NEK11: variants seen among roughly 807,000 people sequenced by gnomAD.
The protein encoded by NEK11 is NIMA related kinase 11.
Under a neutral mutation model 80.7 loss-of-function variants are expected in NEK11, and 72 were observed. The ratio of observed to expected loss-of-function variants is 0.89; its 90% CI spans 0.74 to 1.08. The LOEUF (loss-of-function observed/expected upper bound fraction) is 1.08. NEK11 is among the 50% of genes least tolerant of loss of function. The probability of loss-of-function intolerance (pLI) is 0.00; values close to 1 mark genes in which losing one functional copy is unlikely to be tolerated. For synonymous variants in NEK11, 251 were observed against 260.7 expected (o/e 0.96, Z 0.36); for missense variants, 764 against 763.6 (o/e 1.00, Z -0.01).
intron 15 of NEK11, among the ~76,000 whole-genome samples, chr3:131,235,757 A>G (rs1316858427): frequency 6.6e-6 from 1 of 152,242 alleles, no homozygotes; most frequent in Non-Finnish European, 1.5e-5. Flanking sequence ...AAATGAGAAG[A>G]CTATGAAACA....
chr3:131,165,371 A>G (rs1372484848), intron 11 of NEK11, 55 bp from the exon 12 acceptor site: 20 of 1,089,800 alleles, frequency 1.8e-5, no homozygotes, highest in Non-Finnish European at 2.4e-5. Context: ...TGTATAATAT[A>G]GACATGGTTT....
chr3:131,169,253 GC>G (rs1216020803), intron 13 of NEK11, among the ~76,000 whole-genome samples: 4 of 152,132 alleles, frequency 2.6e-5, no homozygotes, highest in Non-Finnish European at 5.9e-5. Flanking sequence ...TCTCATTGGG[GC>G]TCTGTTCTCT....
chr3:131,106,624 G>A (rs76607513), intron 4 of NEK11, among the ~76,000 whole-genome samples: 7,920 of 152,100 alleles, frequency 0.052, 273 homozygotes, highest in Middle Eastern at 0.11. Flanking sequence ...ACTATTTACC[G>A]AAGATTATCC....
intron 14 of NEK11, among the ~76,000 whole-genome samples, chr3:131,175,308 A>T (rs2092941633): frequency 6.6e-6 from 1 of 152,194 alleles, no homozygotes; most frequent in Non-Finnish European, 1.5e-5. Flanking sequence ...ATGTTTCTAG[A>T]AGTTTTATTC....
intron 16 of NEK11, among the ~76,000 whole-genome samples, chr3:131,268,299 A>G (rs887650756): frequency 7.2e-5 from 11 of 151,942 alleles, no homozygotes; most frequent in African/African-American, 2.4e-4. Flanking sequence ...TCTCCCTCCA[A>G]TTTTGTTCCC....
intron 16 of NEK11, among the ~76,000 whole-genome samples, chr3:131,245,746 G>GA (rs1354721548): frequency 1.3e-5 from 2 of 151,682 alleles, no homozygotes; most frequent in African/African-American, 4.8e-5. Flanking sequence ...TTCTTCTTTT[G>GA]AAAAATGTCT....
intron 3 of NEK11, among the ~76,000 whole-genome samples, chr3:131,043,878 C>T (rs143256373): frequency 6.6e-6 from 1 of 152,284 alleles, no homozygotes; most frequent in African/African-American, 2.4e-5. Flanking sequence ...GGTTGGTTTA[C>T]CCACAAAGGG....
At chr3:131,132,683 A>G (rs1465071897) in intron 5 of NEK11, 62 bp from the exon 6 acceptor site, 1 of 823,960 alleles carries the variant, frequency 1.2e-6, no homozygotes, top group Non-Finnish European at 2.0e-6. Context: ...TATATTATTT[A>G]CATGGGGATT....
chr3:131,228,719 A>T lies in NEK11; in HGVS notation c.1560+31A>T. 5 of 1,601,510 alleles carry T rather than the reference A, an allele frequency of 3.1e-6. No individual in the cohort carries two copies. In the South Asian group the frequency reaches 3.4e-5, roughly 11 times the overall value. Reference sequence around the variant, plus strand: ...TAATGCTCCCTGTCGGAAGCCATGGAACTGTTCAAGGTACTGATTGGACTC... The same window carrying T: ...TAATGCTCCCTGTCGGAAGCCATGGTACTGTTCAAGGTACTGATTGGACTC... On this transcript the variant is annotated intron_variant, in intron 15 of 17. Transcript: ENST00000383366.
At chr3:131,117,881 G>A (rs1209363141) in intron 5 of NEK11, among the ~76,000 whole-genome samples, 2 of 152,154 alleles carry the variant, frequency 1.3e-5, no homozygotes, top group Admixed American at 6.5e-5. Context: ...GGGCTGAGAC[G>A]ATGGGGTTTT....
At chr3:131,113,511 G>T (rs2149376890) in intron 5 of NEK11, among the ~76,000 whole-genome samples, 2 of 152,304 alleles carry the variant, frequency 1.3e-5, no homozygotes, top group Admixed American at 1.3e-4. Flanking sequence ...ATGCATGGTT[G>T]AACTAGTGGC....
At chr3:131,304,670 C>G (rs945212806) in intron 17 of NEK11, among the ~76,000 whole-genome samples, 1 of 152,102 alleles carries the variant, frequency 6.6e-6, no homozygotes, top group Non-Finnish European at 1.5e-5. Context: ...GCTGTGTGCT[C>G]TAACTCTAGA....
intron 14 of NEK11, among the ~76,000 whole-genome samples, chr3:131,226,348 G>A (rs1278099221): frequency 6.6e-6 from 1 of 152,092 alleles, no homozygotes; most frequent in Admixed American, 6.6e-5. Flanking sequence ...ATGGCTTCTA[G>A]TCATTACAGC....
chr3:131,295,921 C>T lies in NEK11; in HGVS notation c.1718+22347C>T, dbSNP rs558677393. Among the ~76,000 whole-genome samples the T allele has an allele frequency of 1.5e-3, 232 of 152,204 alleles. 1 individual carries two copies. Among genetic ancestry groups the T allele is most frequent in the South Asian group, 1.0e-2 (48 of 4,816 alleles). On this transcript the variant is annotated intron_variant, in intron 17 of 17. Transcript: ENST00000383366. ...GTGGTACAATTTCATTTCACTGCAG[C>T]CCTGACCTCCTGGGCTCAAGTGAGC...
chr3:131,139,353 GA>G (rs71622003), intron 7 of NEK11, among the ~76,000 whole-genome samples: 2,609 of 107,526 alleles, frequency 0.024, 52 homozygotes, highest in African/African-American at 0.086. Context: ...AGAGAAAAAA[GA>G]AAAAAAAAAA....
intron 17 of NEK11, among the ~76,000 whole-genome samples, chr3:131,302,752 A>G (rs962179034): frequency 3.3e-5 from 5 of 152,050 alleles, no homozygotes; most frequent in African/African-American, 1.2e-4. Context: ...TTTGCTGAGA[A>G]TTTGTGTTGT....
At chr3:131,265,644 G>A (rs988281755) in intron 16 of NEK11, among the ~76,000 whole-genome samples, 6 of 152,086 alleles carry the variant, frequency 3.9e-5, no homozygotes, top group African/African-American at 9.7e-5. Flanking sequence ...TTTTCGCATC[G>A]ATGTTTATCA....
chr3:131,283,299 T>C (rs2096426265), intron 17 of NEK11, among the ~76,000 whole-genome samples: 1 of 152,158 alleles, frequency 6.6e-6, no homozygotes, highest in Non-Finnish European at 1.5e-5. Flanking sequence ...TGGAACCTAT[T>C]TGTTTTCATT....
rs749410135 is a variant in NEK11, at chr3:131,109,825, T to A, written c.359T>A (p.Ile120Asn). 2.5e-6 allele frequency: 4 copies of A among 1,602,312 alleles called. No homozygotes were observed. The change falls in exon 5 of 18, where the codon ATT becomes AAT. Residue 120 changes from isoleucine to asparagine, a missense_variant. Transcript: ENST00000383366. ...YCEGRDLDDK[I>N]QEYKQAGKIF... ...CAGGGCCGAGATCTGGACGATAAAATTCAGGAATATAAACAAGCTGGAAAA... is the reference window on the plus strand; with the variant it reads ...CAGGGCCGAGATCTGGACGATAAAAATCAGGAATATAAACAAGCTGGAAAA...
Sources: gnomAD v4.1 joint callset for allele counts (sites outside exome capture counted in the v4.1 genomes callset) on GRCh38, gnomAD v4.1.1 for gene constraint, MANE v1.5 for transcripts, NCBI Gene and HGNC (gene_info 2026-07-23, HGNC 2026-07-21) for gene names.